Variants in PTPRM observed in about 807,000 individuals in gnomAD.
The protein encoded by PTPRM is protein tyrosine phosphatase receptor type M.
Under a neutral mutation model 186.7 loss-of-function variants are expected in PTPRM, and 47 were observed. The observed-to-expected ratio is 0.25, with a 90% CI of 0.20 to 0.32. The LOEUF (loss-of-function observed/expected upper bound fraction) is 0.32, where lower values mean the gene tolerates loss of function less well. Ranked by LOEUF, PTPRM falls within the 10% of genes least tolerant of loss-of-function variation. The pLI, the probability that PTPRM is intolerant of heterozygous loss-of-function variation, is 1.00. For synonymous variants in PTPRM, 668 were observed against 674.9 expected, an observed-to-expected ratio of 0.99 and a Z score of 0.16; for missense variants, 1,494 against 1,865.0, an observed-to-expected ratio of 0.80 and a Z score of 3.66.
chr18:8,029,273 C>CTGGAGTGCCTCCCCCACACCTGTCCTGTT (rs1167682360), intron 7 of PTPRM, among the ~76,000 whole-genome samples: 1 of 147,282 alleles, frequency 6.8e-6, no homozygotes, highest in Non-Finnish European at 1.5e-5. Flanking sequence ...CCTGTCCTGT[C>CTGGAGTGCCTCCCCCACACCTGTCCTGTT]TGGAGTGCCT....
intron 7 of PTPRM, among the ~76,000 whole-genome samples, chr18:8,008,068 C>G (rs575778372): frequency 3.7e-4 from 56 of 152,208 alleles, no homozygotes; most frequent in African/African-American, 1.3e-3. Context: ...GGAAATTATT[C>G]CTGAAATCCC....
chr18:7,906,369 T>C (rs892107896), intron 3 of PTPRM, 136 bp from the exon 4 acceptor site: 8 of 686,516 alleles, frequency 1.2e-5, no homozygotes, highest in Admixed American at 4.8e-5. Flanking sequence ...CCTGGAACAT[T>C]GACTAGCAGA....
At chr18:7,687,984 G>C (rs2039644798) in intron 1 of PTPRM, among the ~76,000 whole-genome samples, 1 of 151,950 alleles carries the variant, frequency 6.6e-6, no homozygotes. Flanking sequence ...CACCATGTTG[G>C]CCAGGATGGT....
At chr18:8,245,109 G>A (rs1189882470) in intron 15 of PTPRM, among the ~76,000 whole-genome samples, 2 of 152,226 alleles carry the variant, frequency 1.3e-5, no homozygotes, top group Non-Finnish European at 1.5e-5. Context: ...ACTGGGAGCA[G>A]TTTGGACGGT....
chr18:7,925,159 C>T (rs1306865048), intron 4 of PTPRM, among the ~76,000 whole-genome samples: 1 of 152,116 alleles, frequency 6.6e-6, no homozygotes, highest in South Asian at 2.1e-4. Flanking sequence ...CATTTAGGGA[C>T]TTTTTACAGA....
chr18:7,841,765 G>C (rs1484748227), intron 2 of PTPRM, among the ~76,000 whole-genome samples: 1 of 152,156 alleles, frequency 6.6e-6, no homozygotes. Flanking sequence ...GTGGCCCCTT[G>C]TAGGTGATTT....
intron 2 of PTPRM, among the ~76,000 whole-genome samples, chr18:7,779,776 C>T (rs578163434): frequency 1.5e-4 from 23 of 152,292 alleles, no homozygotes; most frequent in African/African-American, 5.5e-4. Context: ...TTATCCTATT[C>T]ATTCTTTCAA....
chr18:7,576,978 G>A (rs1361123999), intron 1 of PTPRM, among the ~76,000 whole-genome samples: 1 of 152,110 alleles, frequency 6.6e-6, no homozygotes, highest in East Asian at 1.9e-4. Flanking sequence ...AACAATTTTA[G>A]CATGTAGTAG....
intron 2 of PTPRM, among the ~76,000 whole-genome samples, chr18:7,775,804 A>G (rs1598643512): frequency 6.6e-6 from 1 of 152,206 alleles, no homozygotes. Context: ...GTATTTCAGA[A>G]TCTTTTCTAG....
intron 1 of PTPRM, among the ~76,000 whole-genome samples, chr18:7,722,846 G>A (rs146548696): frequency 3.2e-4 from 49 of 152,262 alleles, no homozygotes; most frequent in African/African-American, 1.1e-3. Context: ...CATGTAAATC[G>A]GTACGCAAAT....
At chr18:8,087,571 A>G (rs989029038) in intron 10 of PTPRM, among the ~76,000 whole-genome samples, 7 of 152,242 alleles carry the variant, frequency 4.6e-5, no homozygotes, top group Admixed American at 4.6e-4. Flanking sequence ...ATCAAGAATA[A>G]GTATTTGATT....
chr18:8,267,895 T>G (rs2094721257), intron 19 of PTPRM, among the ~76,000 whole-genome samples: 1 of 152,210 alleles, frequency 6.6e-6, no homozygotes, highest in Non-Finnish European at 1.5e-5. Context: ...ATATGTTTAC[T>G]GACCAGGTGA....
intron 14 of PTPRM, among the ~76,000 whole-genome samples, chr18:8,154,252 A>G (rs749371110): frequency 6.6e-6 from 1 of 152,208 alleles, no homozygotes; most frequent in Non-Finnish European, 1.5e-5. Flanking sequence ...GTGGATTTCA[A>G]TATATTATTA....
intron 23 of PTPRM, among the ~76,000 whole-genome samples, chr18:8,357,216 A>T (rs1445185337): frequency 6.6e-6 from 1 of 152,220 alleles, no homozygotes; most frequent in Non-Finnish European, 1.5e-5. Flanking sequence ...AGGATCTGGA[A>T]TGGAATGTTG....
intron 23 of PTPRM, among the ~76,000 whole-genome samples, chr18:8,363,152 C>T (rs1265486363): frequency 3.3e-5 from 5 of 152,198 alleles, no homozygotes; most frequent in African/African-American, 1.2e-4. Flanking sequence ...TCCCTCATTG[C>T]AGCCACAGTG....
At chr18:8,275,248 G>C (rs1601590098) in intron 19 of PTPRM, among the ~76,000 whole-genome samples, 1 of 151,900 alleles carries the variant, frequency 6.6e-6, no homozygotes, top group African/African-American at 2.4e-5. Flanking sequence ...AGGCTAACCT[G>C]GGCAACATAG....
At chr18:8,191,339 A>T (rs908875609) in intron 14 of PTPRM, among the ~76,000 whole-genome samples, 1 of 152,190 alleles carries the variant, frequency 6.6e-6, no homozygotes, top group Admixed American at 6.5e-5. Context: ...ATACTTGAGT[A>T]CTGCACGGCT....
chr18:7,885,069 G>T (rs2048717065), intron 2 of PTPRM, among the ~76,000 whole-genome samples: 1 of 151,670 alleles, frequency 6.6e-6, no homozygotes, highest in Non-Finnish European at 1.5e-5. Flanking sequence ...TAATAAAAGT[G>T]CTGGCTCTCT....
intron 24 of PTPRM, chr18:8,371,845 A>C (rs1456440057): frequency 1.3e-5 from 2 of 152,546 alleles, no homozygotes; most frequent in East Asian, 3.9e-4. Flanking sequence ...GATGTGGCTG[A>C]GGAACACTCT....
Sources: allele counts gnomAD v4.1 joint callset (sites outside exome capture counted in the v4.1 genomes callset), GRCh38; gene constraint gnomAD v4.1.1; transcripts MANE v1.5; gene names NCBI Gene and HGNC (gene_info 2026-07-23, HGNC 2026-07-21).